SMCO4: variants seen among roughly 807,000 people sequenced by gnomAD.
SMCO4 encodes single-pass membrane protein with coiled-coil domains 4.
A neutral mutation model predicts 3.6 loss-of-function variants in SMCO4; 4 were observed. The observed-to-expected ratio is 1.11, with a 90% CI of 0.54 to 2.53. The LOEUF is 2.53. Ranked by LOEUF, SMCO4 falls within the 30% of genes most tolerant of loss-of-function variation. The pLI is 0.02. For synonymous variants in SMCO4, 36 were observed against 35.3 expected (o/e 1.02, Z -0.07); for missense variants, 70 against 80.8 (o/e 0.87, Z 0.51).
intron 2 of SMCO4, among the ~76,000 whole-genome samples, chr11:93,483,437 A>G (rs762199580): frequency 1.3e-5 from 2 of 152,350 alleles, no homozygotes; most frequent in Middle Eastern, 3.4e-3. Context: ...CTCTACTTCA[A>G]GAATCTAAGA....
At chr11:93,502,914 A>C (rs1366176593) in intron 1 of SMCO4, among the ~76,000 whole-genome samples, 1 of 152,236 alleles carries the variant, frequency 6.6e-6, no homozygotes, top group African/African-American at 2.4e-5. Context: ...CACTAACCTG[A>C]GCTTTTTAGG....
At chr11:93,521,271 A>G (rs1385702420) in intron 1 of SMCO4, among the ~76,000 whole-genome samples, 1 of 152,242 alleles carries the variant, frequency 6.6e-6, no homozygotes, top group Non-Finnish European at 1.5e-5. Flanking sequence ...CTGCAACTCT[A>G]GAAGGGGCTC....
intron 1 of SMCO4, among the ~76,000 whole-genome samples, chr11:93,523,808 T>G (rs1949081970): frequency 6.6e-6 from 1 of 152,258 alleles, no homozygotes; most frequent in African/African-American, 2.4e-5. Flanking sequence ...TGGCATTTCC[T>G]CATTTTTAAA....
intron 2 of SMCO4, among the ~76,000 whole-genome samples, chr11:93,480,305 C>T (rs140025237): frequency 7.0e-4 from 107 of 152,288 alleles, no homozygotes; most frequent in African/African-American, 2.5e-3. Flanking sequence ...GCATCACCAC[C>T]GTCAGCACTG....
chr11:93,543,842 T>TG (rs1949294114), upstream of SMCO4, among the ~76,000 whole-genome samples: 1 of 152,232 alleles, frequency 6.6e-6, no homozygotes, highest in African/African-American at 2.4e-5. Flanking sequence ...AACGAGTAGA[T>TG]GAATGAGTTG....
In SMCO4 at chr11:93,541,571, C is replaced by T. The variant is rs56796103; in HGVS notation, c.-154+1705G>A. Among the ~76,000 whole-genome samples the T allele has an allele frequency of 8.5e-5, 13 of 152,252 alleles. No individual in the cohort carries two copies. In the East Asian group the frequency reaches 2.3e-3, roughly 27 times the overall value. On this transcript the variant is annotated intron_variant, in intron 1 of 2. Coordinates refer to ENST00000298966, the MANE Select transcript of SMCO4 (RefSeq NM_020179.3). ...CCAACTCCAAGCTTGAGCGTCCACT[C>T]CAAGCTTGAAGATTAAACAATAAGA... is the stretch of plus-strand genomic sequence containing the variant.
intron 1 of SMCO4, among the ~76,000 whole-genome samples, chr11:93,507,955 T>C (rs928460416): frequency 6.6e-6 from 1 of 152,242 alleles, no homozygotes; most frequent in African/African-American, 2.4e-5. Context: ...CACTAAATGT[T>C]TGTGCTTTGG....
chr11:93,515,942 T>G (rs1224370282), intron 1 of SMCO4, among the ~76,000 whole-genome samples: 1 of 152,160 alleles, frequency 6.6e-6, no homozygotes, highest in Non-Finnish European at 1.5e-5. Context: ...AGCTTTGACC[T>G]GGCAAGGGGT....
the SMCO4 span, among the ~76,000 whole-genome samples, chr11:93,549,244 C>G: frequency 6.6e-6 from 1 of 152,180 alleles, no homozygotes; most frequent in East Asian, 1.9e-4. Context: ...TGTTCTTAAT[C>G]CCTGTTTTAC....
At chr11:93,482,841 C>A (rs181827707) in intron 2 of SMCO4, among the ~76,000 whole-genome samples, 163 of 152,278 alleles carry the variant, frequency 1.1e-3, no homozygotes, top group African/African-American at 3.7e-3. Flanking sequence ...CCAAACAGCA[C>A]CAGGGCAGAA....
intron 1 of SMCO4, among the ~76,000 whole-genome samples, chr11:93,539,995 A>C (rs1265768597): frequency 1.3e-5 from 2 of 151,922 alleles, no homozygotes; most frequent in Admixed American, 6.5e-5. Context: ...CAAAATGGGC[A>C]AAGGGAAACC....
intron 2 of SMCO4, among the ~76,000 whole-genome samples, chr11:93,498,828 C>A (rs991519021): frequency 6.6e-6 from 1 of 152,094 alleles, no homozygotes; most frequent in South Asian, 2.1e-4. Flanking sequence ...ATGAGTCATT[C>A]GAGAAACATT....
intron 1 of SMCO4, among the ~76,000 whole-genome samples, chr11:93,533,796 C>T (rs530122662): frequency 7.2e-5 from 11 of 152,268 alleles, no homozygotes; most frequent in East Asian, 3.9e-4. Flanking sequence ...CCCTCATCTG[C>T]CCCGACAGCT....
intron 1 of SMCO4, among the ~76,000 whole-genome samples, chr11:93,538,645 T>C (rs1256212081): frequency 6.6e-6 from 1 of 152,138 alleles, no homozygotes; most frequent in Non-Finnish European, 1.5e-5. Flanking sequence ...TCTGCAGAGA[T>C]TGCTTTTAGC....
chr11:93,481,640 C>T (rs780074729), intron 2 of SMCO4: 50 of 449,666 alleles, frequency 1.1e-4, no homozygotes, highest in Non-Finnish European at 1.4e-4. Context: ...AACAGTCACC[C>T]AGTTTGTAAA....
intron 1 of SMCO4, among the ~76,000 whole-genome samples, chr11:93,521,473 T>C (rs1273938982): frequency 6.6e-6 from 1 of 152,200 alleles, no homozygotes; most frequent in Admixed American, 6.5e-5. Flanking sequence ...ACCCTCATCA[T>C]ACCCTGCCTA....
intron 2 of SMCO4, among the ~76,000 whole-genome samples, chr11:93,481,727 C>T (rs1320363596): frequency 2.0e-5 from 3 of 152,226 alleles, no homozygotes; most frequent in Admixed American, 6.5e-5. Context: ...CTCTCCGACA[C>T]GGCCTCAAAA....
chr11:93,545,608 AAGAG>A (rs1323164097), upstream of SMCO4, among the ~76,000 whole-genome samples: 9 of 144,784 alleles, frequency 6.2e-5, no homozygotes, highest in East Asian at 4.0e-4. Context: ...AAAAAAAAAA[AAGAG>A]AGAGAGAGAG....
upstream of SMCO4, among the ~76,000 whole-genome samples, chr11:93,545,608 A>AAGAG (rs1323164097): frequency 4.1e-5 from 6 of 144,784 alleles, no homozygotes; most frequent in African/African-American, 1.5e-4. Flanking sequence ...AAAAAAAAAA[A>AAGAG]AGAGAGAGAG....
Sources: allele counts gnomAD v4.1 joint callset (sites outside exome capture counted in the v4.1 genomes callset), GRCh38; gene constraint gnomAD v4.1.1; transcripts MANE v1.5; gene names NCBI Gene and HGNC (gene_info 2026-07-23, HGNC 2026-07-21).